SLX4: variants seen among roughly 807,000 people sequenced by gnomAD.
SLX4 encodes SLX4 structure-specific endonuclease subunit.
In SLX4, 112 loss-of-function variants were observed where a neutral mutation model predicts 146.2. That is an observed-to-expected ratio of 0.77 (90% CI 0.66 to 0.90). The LOEUF is 0.90. Ranked by LOEUF, SLX4 falls within the 40% of genes least tolerant of loss-of-function variation. SLX4 has a pLI of 0.00. For synonymous variants in SLX4, 1,061 were observed against 997.7 expected, an observed-to-expected ratio of 1.06 and a Z score of -1.20; for missense variants, 2,563 against 2,392.7, an observed-to-expected ratio of 1.07 and a Z score of -1.49.
Position 3,590,414 on chromosome 16 carries a change from G to A in SLX4, c.3224C>T (p.Ser1075Phe), listed in dbSNP as rs147558074. The A allele has an allele frequency of 6.8e-6, 11 of 1,614,222 alleles. No individual in the cohort carries two copies. In the South Asian group the frequency reaches 9.9e-5, roughly 14 times the overall value. The change falls in exon 12 of 15, where the codon TCT becomes TTT. Residue 1075 changes from serine to phenylalanine, a missense_variant. Ser to Phe is a radical substitution (Grantham distance 155). Transcript: ENST00000294008. The surrounding 1 kb of genome is among the most constrained non-coding windows in gnomAD (Gnocchi z 4.8). ...TSQVGSPTLL[S>F]PAVPSKQKRD... ...TTTCTGCTTTGATGGCACAGCTGGA[G>A]ACAGCAAGGTTGGGGAGCCCACCTG...
At position 3,596,350 on chromosome 16, in the gene SLX4, T is replaced by G; in HGVS notation, c.1727A>C (p.His576Pro). 1.9e-6 allele frequency: 3 copies of G among 1,596,862 alleles called. No homozygotes were observed. Among genetic ancestry groups the G allele is most frequent in the South Asian group, 2.2e-5 (2 of 89,100 alleles). The part of the protein sequence containing the change: ...EPVPPLVPPE[H>P]SELSERRSPA... ...TGACCTTCGCTCGCTCAGCTCTGAG[T>G]GCTCAGGTGGCACCAGAGGCGGCAC... Residue 576 changes from histidine (H) to proline (P), a missense_variant, in exon 8 of 15, where the codon CAC becomes CCC. Coordinates refer to ENST00000294008, the MANE Select transcript of SLX4 (RefSeq NM_032444.4).
Position 3,590,039 on chromosome 16 carries a change from T to A in SLX4, c.3599A>T (p.Asp1200Val), listed in dbSNP as rs1165195894. 15 of 1,614,106 alleles carry A rather than the reference T, an allele frequency of 9.3e-6. No individual in the cohort carries two copies. Among genetic ancestry groups the A allele is most frequent in the Non-Finnish European group, 1.3e-5 (15 of 1,180,032 alleles). Reference protein sequence around the residue: ...ELFSIIDVDADQEPSQSPPRS... With the variant: ...ELFSIIDVDAVQEPSQSPPRS... The stretch of plus-strand genomic sequence containing the variant: ...TGGTGGGCTCTGGGAAGGTTCCTGA[T>A]CTGCATCAACATCAATGATGGAAAA... Residue 1200 changes from aspartate (D) to valine (V), a missense_variant, in exon 12 of 15, where the codon GAT (aspartate) becomes GTT (valine). By Grantham distance (152) the Asp-to-Val change is radical. Transcript: ENST00000294008. This position sits in a 1 kb window ranked among gnomAD's most constrained non-coding sequence, Gnocchi z 4.8.
Position 3,609,586 on chromosome 16 carries a change from T to C in SLX4, c.-602-20A>G, listed in dbSNP as rs2040825759. On this transcript the variant is annotated intron_variant, in intron 1 of 14. Transcript: ENST00000294008. ...ACACATCTGTGGAAAACCAAAAGCA[T>C]GTAAGTGTAATCAGACATTGTCATT... is the stretch of plus-strand genomic sequence containing the variant. 6.5e-6 allele frequency: 1 copy of C among 153,166 alleles called. No homozygotes were observed. Among genetic ancestry groups the C allele is most frequent in the Non-Finnish European group, 1.5e-5 (1 of 68,752 alleles). 9.5% of individuals were successfully genotyped at this position (153,166 alleles called of 1,614,324 possible).
Position 3,601,122 on chromosome 16 carries a change from C to T in SLX4, c.1020G>A (p.Gly340=). 6.2e-7 allele frequency: 1 copy of T among 1,614,116 alleles called. No individual in the cohort carries two copies. The highest frequency in any genetic ancestry group is 8.5e-7 in the Non-Finnish European group (1 of 1,180,024). The change falls in exon 5 of 15, where the codon GGG becomes GGA. Residue 340 remains glycine (G), a synonymous_variant. Coordinates refer to ENST00000294008, the MANE Select transcript of SLX4 (RefSeq NM_032444.4). Reference sequence around the variant, plus strand: ...TGCTCTTTAAGGTAAGAAACGGTTTCCCACAAATCGGGCACTCAGGGATCT... The same window carrying T: ...TGCTCTTTAAGGTAAGAAACGGTTTTCCACAAATCGGGCACTCAGGGATCT... ...VPQIPECPIC[G]KPFLTLKSRT... is the part of the protein sequence containing the mutation.
chr16:3,596,274 C>T lies in SLX4; in HGVS notation c.1803G>A (p.Ser601=), dbSNP rs144892556. ...GGTGCTCCCTCTGGCTGGCCGAAGGCGACGGGCCCCTGGAGCCACAGCCTG... is the reference window on the plus strand; with the variant it reads ...GGTGCTCCCTCTGGCTGGCCGAAGGTGACGGGCCCCTGGAGCCACAGCCTG... The part of the protein sequence containing the change: ...PTAGCGSRGP[S]PSASQREHQA... Residue 601 remains serine (S), a synonymous_variant, in exon 8 of 15, where the codon TCG becomes TCA. Transcript: ENST00000294008. 3,837 of 1,565,056 alleles carry T rather than the reference C, an allele frequency of 2.5e-3. 20 individuals carry two copies. Among genetic ancestry groups the T allele is most frequent in the African/African-American group, 0.018 (1,296 of 74,012 alleles).
Position 3,608,481 on chromosome 16 carries a change from T to TG in SLX4, c.483_484insC (p.Thr162HisfsTer3). ...GGCGATGGTTCTTGCTGGTTACCCGTCTGGGTGTTTTGTGCTGTTTCCCGG... is the reference window on the plus strand; with the variant it reads ...GGCGATGGTTCTTGCTGGTTACCCGTGCTGGGTGTTTTGTGCTGTTTCCCGG... On this transcript the variant is annotated frameshift_variant, in exon 2 of 15. Transcript: ENST00000294008. LOFTEE classifies it high-confidence loss of function. The TG allele has an allele frequency of 6.2e-7, 1 of 1,614,202 alleles. No homozygotes were observed. The highest frequency in any genetic ancestry group is 1.7e-5 in the Admixed American group (1 of 60,026).
chr16:3,596,371 G>T lies in SLX4; in HGVS notation c.1706C>A (p.Pro569Gln). 6.3e-7 allele frequency: 1 copy of T among 1,596,880 alleles called. No homozygotes were observed. The highest frequency in any genetic ancestry group is 8.5e-7 in the Non-Finnish European group (1 of 1,170,836). The change falls in exon 8 of 15, where the codon CCG (proline) becomes CAG (glutamine). Residue 569 changes from proline to glutamine, a missense_variant. By Grantham distance (76) the Pro-to-Gln change is moderately conservative. Coordinates refer to ENST00000294008, the MANE Select transcript of SLX4 (RefSeq NM_032444.4). The stretch of plus-strand genomic sequence containing the variant: ...TGAGTGCTCAGGTGGCACCAGAGGC[G>T]GCACGGGCTCCTGCATAAGGCCCTG... ...PAQGLMQEPV[P>Q]PLVPPEHSEL...
chr16:3,609,262 G>A lies in SLX4; in HGVS notation c.-298C>T. The A allele has an allele frequency of 5.7e-6, 2 of 348,842 alleles. No homozygotes were observed. Among genetic ancestry groups the A allele is most frequent in the Non-Finnish European group, 1.1e-5 (2 of 180,442 alleles). 21.6% of individuals were successfully genotyped at this position (348,842 alleles called of 1,614,324 possible). A position where few individuals can be genotyped will look rare whatever the true frequency, so the allele number is the denominator to read the frequency against. ...TTTCAACTGAAAATACAAAAAATTG[G>A]CCAGGCGTGGTAGCAGATGCCTGTA... On this transcript the variant is annotated 5_prime_UTR_variant, in exon 2 of 15. Transcript: ENST00000294008.
rs947916262 is a variant in SLX4 at position 3,609,175 on chromosome 16, G to T, written c.-211C>A. The T allele has an allele frequency of 2.3e-5, 12 of 524,748 alleles. 1 individual carries two copies. The highest frequency in any genetic ancestry group is 5.4e-4 in the Middle Eastern group (1 of 1,854). 32.5% of individuals were successfully genotyped at this position (524,748 alleles called of 1,614,324 possible). A position where few individuals can be genotyped will look rare whatever the true frequency, so the allele number is the denominator to read the frequency against. On this transcript the variant is annotated 5_prime_UTR_variant, in exon 2 of 15. Coordinates refer to ENST00000294008, the MANE Select transcript of SLX4 (RefSeq NM_032444.4). Reference sequence around the variant, plus strand: ...TCCCAGCTCTTTTGGAGGACGAGGCGGGGGGTGGATCACCTGAGGTCAGAA... The same window carrying T: ...TCCCAGCTCTTTTGGAGGACGAGGCTGGGGGTGGATCACCTGAGGTCAGAA...
chr16:3,601,631 A>C (rs2040728360), intron 4 of SLX4: 5 of 314,950 alleles, frequency 1.6e-5, no homozygotes, highest in South Asian at 1.5e-4. Flanking sequence ...CCATACAATG[A>C]GATACTGCTC....
intron 12 of SLX4, among the ~76,000 whole-genome samples, chr16:3,587,435 G>A (rs2040520652): frequency 6.6e-6 from 1 of 152,178 alleles, no homozygotes; most frequent in Non-Finnish European, 1.5e-5. Context: ...GGTGGAGGTT[G>A]CAGTGAGCCG....
At chr16:3,608,032 G>T (rs1300838242) in intron 2 of SLX4, among the ~76,000 whole-genome samples, 1 of 152,208 alleles carries the variant, frequency 6.6e-6, no homozygotes, top group Non-Finnish European at 1.5e-5. Context: ...GTTTAAACCA[G>T]GAGTCAGCCG....
At chr16:3,591,352 A>G in intron 11 of SLX4, 42 bp from the exon 12 acceptor site, 1 of 1,603,878 alleles carries the variant, frequency 6.2e-7, no homozygotes, top group South Asian at 1.1e-5. Context: ...CTCTGCGTGG[A>G]GATGGGCTCT....
Position 3,590,056 on chromosome 16 carries a change from G to C in SLX4, c.3582C>G (p.Ile1194Met). 1 of 1,614,038 alleles carries C rather than the reference G, an allele frequency of 6.2e-7. No individual in the cohort carries two copies. The highest frequency in any genetic ancestry group is 1.1e-5 in the South Asian group (1 of 91,084). ...ISPRSCELFS[I>M]IDVDADQEPS... The stretch of plus-strand genomic sequence containing the variant: ...GTTCCTGATCTGCATCAACATCAAT[G>C]ATGGAAAACAGCTCACAGGACCTAG... The change falls in exon 12 of 15, where the codon ATC (isoleucine) becomes ATG (methionine). Residue 1194 changes from isoleucine (I) to methionine (M), a missense_variant. Ile to Met is a conservative substitution (Grantham distance 10). Transcript: ENST00000294008. This position sits in a 1 kb window ranked among gnomAD's most constrained non-coding sequence, Gnocchi z 4.8.
At chr16:3,599,978 G>A (rs1451900915) in intron 5 of SLX4, among the ~76,000 whole-genome samples, 2 of 152,154 alleles carry the variant, frequency 1.3e-5, no homozygotes, top group African/African-American at 2.4e-5. Flanking sequence ...GTCCAACAAC[G>A]AAATGGATGG....
At chr16:3,595,723 C>G in intron 8 of SLX4, 30 bp from the exon 9 acceptor site, 1 of 1,609,638 alleles carries the variant, frequency 6.2e-7, no homozygotes, top group Non-Finnish European at 8.5e-7. Context: ...GTTAAAGGAA[C>G]GTCACAGCCC....
At chr16:3,610,845 G>C (rs992520057) in intron 1 of SLX4, among the ~76,000 whole-genome samples, 2 of 152,206 alleles carry the variant, frequency 1.3e-5, no homozygotes, top group Admixed American at 6.5e-5. Context: ...AGAGAGAAAG[G>C]TGTAGGAGAA....
At chr16:3,599,464 T>C (rs951579058) in intron 5 of SLX4, among the ~76,000 whole-genome samples, 1 of 152,260 alleles carries the variant, frequency 6.6e-6, no homozygotes, top group African/African-American at 2.4e-5. Flanking sequence ...GGCTGTGGTT[T>C]GCATGCTGAG....
chr16:3,594,718 C>T (rs977442703), intron 9 of SLX4, 119 bp from the exon 10 acceptor site: 3 of 1,327,206 alleles, frequency 2.3e-6, no homozygotes, highest in African/African-American at 2.9e-5. Flanking sequence ...GACCTGCATT[C>T]TCCTTTCCTC....
Sources: allele counts gnomAD v4.1 joint callset (sites outside exome capture counted in the v4.1 genomes callset), GRCh38; gene constraint gnomAD v4.1.1; non-coding constraint Gnocchi (gnomAD v3.1); transcripts MANE v1.5; gene names NCBI Gene and HGNC (gene_info 2026-07-23, HGNC 2026-07-21).